SLC33A1: variants seen among roughly 807,000 people sequenced by gnomAD.
The protein encoded by SLC33A1 is acetyl-coenzyme A transporter 1.
A neutral mutation model predicts 50.0 loss-of-function variants in SLC33A1; 20 were observed. The observed-to-expected ratio is 0.40, with a 90% CI of 0.28 to 0.58. The LOEUF (loss-of-function observed/expected upper bound fraction) is 0.58. SLC33A1 is among the 20% of genes least tolerant of loss of function. The probability of loss-of-function intolerance (pLI) is 0.44; values close to 1 mark genes in which losing one functional copy is unlikely to be tolerated. For missense variants in SLC33A1, 476 were observed against 657.0 expected, an observed-to-expected ratio of 0.72 and a Z score of 3.01; for synonymous variants, 265 against 251.8, an observed-to-expected ratio of 1.05 and a Z score of -0.50.
Position 155,853,338 on chromosome 3 carries a change from G to T in SLC33A1, c.660C>A (p.Gly220=). The change falls in exon 1 of 6, where the codon GGC becomes GGA. Residue 220 remains glycine (G), a synonymous_variant. Coordinates refer to ENST00000643144, the MANE Select transcript of SLC33A1 (RefSeq NM_004733.4). The part of the protein sequence containing the change: ...VGYASTCNSV[G]QTAGYFLGNV... ...TGCCCAAAAAGTAACCCGCTGTTTG[G>T]CCCACCGAATTGCAAGTAGAAGCAT... The T allele has an allele frequency of 6.2e-7, 1 of 1,614,032 alleles. No homozygotes were observed. The highest frequency in any genetic ancestry group is 8.5e-7 in the Non-Finnish European group (1 of 1,180,002).
At chr3:155,843,398 C>T (rs1753005380) in intron 1 of SLC33A1, among the ~76,000 whole-genome samples, 2 of 152,100 alleles carry the variant, frequency 1.3e-5, no homozygotes, top group South Asian at 2.1e-4. Flanking sequence ...TTAAGAATAA[C>T]CTTCTCATCT....
Position 155,853,435 on chromosome 3 carries a change from A to G in SLC33A1, c.563T>C (p.Phe188Ser). 2 of 1,614,096 alleles carry G rather than the reference A, an allele frequency of 1.2e-6. No homozygotes were observed. Among genetic ancestry groups the G allele is most frequent in the Non-Finnish European group, 1.7e-6 (2 of 1,180,046 alleles). The change falls in exon 1 of 6, where the codon TTC becomes TCC. Residue 188 changes from phenylalanine to serine, a missense_variant. By Grantham distance (155) the Phe-to-Ser change is radical. Coordinates refer to ENST00000643144, the MANE Select transcript of SLC33A1 (RefSeq NM_004733.4). ...ALTVAFFLFE[F>S]LAATQDIAVD... ...GGCAATGTCCTGAGTGGCGGCCAAG[A>G]ATTCAAACAAAAAGAACGCCACAGT... is the stretch of plus-strand genomic sequence containing the variant.
At chr3:155,836,466 C>T (rs1017474558) in intron 2 of SLC33A1, among the ~76,000 whole-genome samples, 1 of 151,882 alleles carries the variant, frequency 6.6e-6, no homozygotes, top group Non-Finnish European at 1.5e-5. Flanking sequence ...ACATTTTACT[C>T]ATTCCCTTTG....
At position 155,824,876 on chromosome 3, in the gene SLC33A1, T is replaced by A. The variant is rs1404911158; in HGVS notation, c.*3334A>T. ...TTCGATTTCAAAGGTTTAATATTTT[T>A]AAAAAATTGAGAAATCTATTTAAGG... On this transcript the variant is annotated 3_prime_UTR_variant, in exon 6 of 6. Coordinates refer to ENST00000643144, the MANE Select transcript of SLC33A1 (RefSeq NM_004733.4). 6.6e-6 allele frequency: 1 copy of A among 152,202 alleles called. No individual in the cohort carries two copies. Among genetic ancestry groups the A allele is most frequent in the Non-Finnish European group, 1.5e-5 (1 of 68,040 alleles). 9.4% of individuals were successfully genotyped at this position (152,202 alleles called of 1,614,324 possible).
At position 155,825,444 on chromosome 3, in the gene SLC33A1, C is replaced by G. The variant is rs1752178231; in HGVS notation, c.*2766G>C. 1 of 152,192 alleles carries G rather than the reference C, an allele frequency of 6.6e-6. No homozygotes were observed. Among genetic ancestry groups the G allele is most frequent in the African/African-American group, 2.4e-5 (1 of 41,424 alleles). The allele number at this position is 152,192 out of a possible 1,614,324, so 9.4% of individuals were successfully genotyped here. On this transcript the variant is annotated 3_prime_UTR_variant, in exon 6 of 6. Coordinates refer to ENST00000643144, the MANE Select transcript of SLC33A1 (RefSeq NM_004733.4). ...GTGTTGTGATTACAGGTGTGAGCCA[C>G]AGCATCCAGCCTAAGGAAGATCCCT...
At chr3:155,846,859 T>A (rs1238525821) in intron 1 of SLC33A1, among the ~76,000 whole-genome samples, 1 of 152,142 alleles carries the variant, frequency 6.6e-6, no homozygotes, top group African/African-American at 2.4e-5. Flanking sequence ...ACAAACTTGG[T>A]GTGTCTTCCT....
Position 155,827,698 on chromosome 3 carries a change from A to C in SLC33A1, c.*512T>G, listed in dbSNP as rs1472009681. The C allele has an allele frequency of 6.5e-6, 1 of 154,156 alleles. No homozygotes were observed. The highest frequency in any genetic ancestry group is 1.4e-5 in the Non-Finnish European group (1 of 69,372). The allele number at this position is 154,156 out of a possible 1,614,324, so 9.5% of individuals were successfully genotyped here. A position where few individuals can be genotyped will look rare whatever the true frequency, so the allele number is the denominator to read the frequency against. On this transcript the variant is annotated 3_prime_UTR_variant, in exon 6 of 6. Transcript: ENST00000643144. ...CTAAAATGACATTTCAGTAGTCTATATTCTTTTCTCAGCAAATTCCACATA... is the reference window on the plus strand; with the variant it reads ...CTAAAATGACATTTCAGTAGTCTATCTTCTTTTCTCAGCAAATTCCACATA...
At chr3:155,840,098 T>C (rs1752867323) in intron 2 of SLC33A1, among the ~76,000 whole-genome samples, 1 of 151,784 alleles carries the variant, frequency 6.6e-6, no homozygotes, top group South Asian at 2.1e-4. Context: ...AATTTATTTA[T>C]TTATTTTGGG....
At chr3:155,845,250 A>G (rs1753122993) in intron 1 of SLC33A1, among the ~76,000 whole-genome samples, 1 of 149,644 alleles carries the variant, frequency 6.7e-6, no homozygotes, top group African/African-American at 2.6e-5. Flanking sequence ...TAAAATTTAA[A>G]TTCCTTGATA....
In SLC33A1 at chr3:155,829,636, T is replaced by A; in HGVS notation, c.1482+52A>T. 2.4e-6 allele frequency: 3 copies of A among 1,260,234 alleles called. No individual in the cohort carries two copies. In the Admixed American group the frequency reaches 5.1e-5, roughly 21 times the overall value. The allele number at this position is 1,260,234 out of a possible 1,614,324, so 78.1% of individuals were successfully genotyped here. On this transcript the variant is annotated intron_variant, in intron 5 of 5. Coordinates refer to ENST00000643144, the MANE Select transcript of SLC33A1 (RefSeq NM_004733.4). ...AGTACTTCTAGAGACAAAACAAAGA[T>A]ATTAATATCTTAGTATTAGCTTAAT...
At position 155,827,826 on chromosome 3, in the gene SLC33A1, T is replaced by C. The variant is rs1200310235; in HGVS notation, c.*384A>G. The C allele has an allele frequency of 2.4e-5, 4 of 166,548 alleles. No individual in the cohort carries two copies. The allele number at this position is 166,548 out of a possible 1,614,324, so 10.3% of individuals were successfully genotyped here. On this transcript the variant is annotated 3_prime_UTR_variant, in exon 6 of 6. Coordinates refer to ENST00000643144, the MANE Select transcript of SLC33A1 (RefSeq NM_004733.4). ...ATCAAGCTCTTCTCCATTTTATATA[T>C]TGTACCAAAATTTTAAATACAGCTC... is the stretch of plus-strand genomic sequence containing the variant.
rs764567327 is a variant in SLC33A1, at chr3:155,823,805, G to C, written c.*4405C>G. 1 of 151,958 alleles carries C rather than the reference G, an allele frequency of 6.6e-6. No individual in the cohort carries two copies. The highest frequency in any genetic ancestry group is 1.5e-5 in the Non-Finnish European group (1 of 68,022). 9.4% of individuals were successfully genotyped at this position (151,958 alleles called of 1,614,324 possible). ...CAACTCACTGCAAGCTCCGCCTCCC[G>C]GGCTCAAGCAATTCTCCTGCCTCAG... On this transcript the variant is annotated 3_prime_UTR_variant, in exon 6 of 6. Transcript: ENST00000643144.
intron 4 of SLC33A1, among the ~76,000 whole-genome samples, chr3:155,831,625 G>A (rs1752440005): frequency 6.6e-6 from 1 of 152,004 alleles, no homozygotes; most frequent in South Asian, 2.1e-4. Context: ...TTACACTTCA[G>A]GAAATTCTCA....
intron 4 of SLC33A1, 87 bp downstream of exon 4, chr3:155,833,381 A>C (rs1752524037): frequency 2.5e-6 from 2 of 789,322 alleles, no homozygotes; most frequent in African/African-American, 1.7e-5. Flanking sequence ...AAAATTTATT[A>C]TCATTATTTT....
chr3:155,831,861 G>A (rs1752449023), intron 4 of SLC33A1, among the ~76,000 whole-genome samples: 1 of 152,154 alleles, frequency 6.6e-6, no homozygotes, highest in African/African-American at 2.4e-5. Flanking sequence ...TCTCCTAAAT[G>A]ATTTACTGTA....
intron 1 of SLC33A1, among the ~76,000 whole-genome samples, chr3:155,850,559 C>T (rs2108008662): frequency 6.6e-6 from 1 of 152,040 alleles, no homozygotes; most frequent in South Asian, 2.1e-4. Flanking sequence ...ACTCCCTTAG[C>T]CACAACTGTT....
At position 155,834,055 on chromosome 3, in the gene SLC33A1, AC is replaced by A; in HGVS notation, c.964-15del. 6.2e-7 allele frequency: 1 copy of A among 1,608,186 alleles called. No individual in the cohort carries two copies. The highest frequency in any genetic ancestry group is 1.1e-5 in the South Asian group (1 of 90,982). ...TGAAAAACCAATCTGCAATATAAAA[AC>A]AAAAAAGTATTTTAATTCGTGACTT... is the stretch of plus-strand genomic sequence containing the variant. On this transcript the variant is annotated splice_polypyrimidine_tract_variant and intron_variant, in intron 2 of 5. Coordinates refer to ENST00000643144, the MANE Select transcript of SLC33A1 (RefSeq NM_004733.4).
Position 155,854,026 on chromosome 3 carries a change from G to T in SLC33A1, c.-29C>A, listed in dbSNP as rs749338004. 16 of 1,520,580 alleles carry T rather than the reference G, an allele frequency of 1.1e-5. No individual in the cohort carries two copies. The highest frequency in any genetic ancestry group is 2.0e-4 in the Middle Eastern group (1 of 4,980). 94.2% of individuals were successfully genotyped at this position (1,520,580 alleles called of 1,614,324 possible). On this transcript the variant is annotated 5_prime_UTR_variant, in exon 1 of 6. Coordinates refer to ENST00000643144, the MANE Select transcript of SLC33A1 (RefSeq NM_004733.4). ...AGAGACGATGCAGAGCCCCGTCTGTGGGGGGCCGAGGCTGAGCGTTTTGGA... is the reference window on the plus strand; with the variant it reads ...AGAGACGATGCAGAGCCCCGTCTGTTGGGGGCCGAGGCTGAGCGTTTTGGA...
chr3:155,845,114 A>C (rs1381761033), intron 1 of SLC33A1: 2 of 152,234 alleles, frequency 1.3e-5, no homozygotes, highest in African/African-American at 4.8e-5. Context: ...CCAAAATTCC[A>C]ATTAATGTTA....
Sources: allele counts gnomAD v4.1 joint callset (sites outside exome capture counted in the v4.1 genomes callset), GRCh38; gene constraint gnomAD v4.1.1; transcripts MANE v1.5; gene names NCBI Gene and HGNC (gene_info 2026-07-23, HGNC 2026-07-21).